The following RAD51 variants were observed in gnomAD, a reference collection of about 807,000 sequenced individuals.
The protein encoded by RAD51 is RAD51 recombinase.
In RAD51, 14 loss-of-function variants were observed where a neutral mutation model predicts 41.5. The ratio of observed to expected loss-of-function variants is 0.34; its 90% CI spans 0.22 to 0.53. RAD51 has a LOEUF of 0.53. Ranked by LOEUF, RAD51 falls within the 20% of genes least tolerant of loss-of-function variation. The probability of loss-of-function intolerance (pLI) is 0.95; values close to 1 mark genes in which losing one functional copy is unlikely to be tolerated. For synonymous variants in RAD51, 136 were observed against 148.6 expected, an observed-to-expected ratio of 0.92 and a Z score of 0.62; for missense variants, 234 against 422.0, an observed-to-expected ratio of 0.55 and a Z score of 3.90.
intron 6 of RAD51, among the ~76,000 whole-genome samples, chr15:40,720,682 C>T (rs1596010956): frequency 1.3e-5 from 2 of 151,526 alleles, no homozygotes; most frequent in Admixed American, 1.3e-4. Context: ...TTTGTATATA[C>T]TAGACAATAA....
intron 5 of RAD51, 117 bp from the exon 6 acceptor site, chr15:40,718,688 A>G (rs1407210205): frequency 1.6e-5 from 14 of 898,370 alleles, no homozygotes; most frequent in Admixed American, 9.6e-5. Flanking sequence ...TACCACTGTC[A>G]TTTTTAAATG....
At chr15:40,726,354 C>T (rs1029988313) in intron 6 of RAD51, among the ~76,000 whole-genome samples, 7 of 151,090 alleles carry the variant, frequency 4.6e-5, no homozygotes, top group African/African-American at 1.5e-4. Context: ...CGGGTTCAAG[C>T]GATTCTCCTG....
intron 7 of RAD51, among the ~76,000 whole-genome samples, chr15:40,729,184 A>T (rs1896741741): frequency 6.6e-6 from 1 of 152,012 alleles, no homozygotes; most frequent in Admixed American, 6.6e-5. Flanking sequence ...CATCCTGGCT[A>T]ACACGGTGAA....
At chr15:40,698,899 G>A in intron 2 of RAD51, 54 bp downstream of exon 2, 4 of 1,511,060 alleles carry the variant, frequency 2.6e-6, no homozygotes, top group Non-Finnish European at 3.7e-6. Flanking sequence ...TCTACCTAGT[G>A]GAAGGTATTA....
At chr15:40,702,274 C>A (rs1895053086) in intron 3 of RAD51, among the ~76,000 whole-genome samples, 1 of 152,030 alleles carries the variant, frequency 6.6e-6, no homozygotes, top group African/African-American at 2.4e-5. Context: ...TAAAGTCTTT[C>A]TGTTTTCGCT....
intron 4 of RAD51, among the ~76,000 whole-genome samples, chr15:40,706,559 C>T (rs1445694632): frequency 6.6e-6 from 1 of 152,150 alleles, no homozygotes; most frequent in Non-Finnish European, 1.5e-5. Context: ...CATGGTGGCA[C>T]ATGCCTGTAA....
chr15:40,698,735 G>T (rs937615081), intron 1 of RAD51, 22 bp from the exon 2 acceptor site: 20 of 1,599,306 alleles, frequency 1.3e-5, no homozygotes, highest in Non-Finnish European at 1.6e-5. Context: ...TGTTTATACT[G>T]ATAAGCATTT....
chr15:40,701,361 CTTTTTTTTTTCTTTCTTTTTT>C (rs1894977884), intron 3 of RAD51, among the ~76,000 whole-genome samples, 160 bp downstream of exon 3: 1 of 139,830 alleles, frequency 7.2e-6, no homozygotes, highest in South Asian at 2.3e-4. Flanking sequence ...CTTTTCTTTT[CTTTTTTTTTTCTTTCTTTTTT>C]TTTTTTTTTG....
At chr15:40,706,725 T>A (rs1895366929) in intron 4 of RAD51, among the ~76,000 whole-genome samples, 1 of 152,080 alleles carries the variant, frequency 6.6e-6, no homozygotes, top group African/African-American at 2.4e-5. Context: ...ATAAAGGAAG[T>A]ATCCACATTG....
At chr15:40,701,327 G>GT (rs1894972443) in intron 3 of RAD51, 126 bp downstream of exon 3, 1 of 955,324 alleles carries the variant, frequency 1.0e-6, no homozygotes, top group Non-Finnish European at 1.6e-6. Flanking sequence ...AGGGGTGACT[G>GT]TTACCTGTTT....
intron 5 of RAD51, among the ~76,000 whole-genome samples, chr15:40,716,313 A>T (rs768156869): frequency 2.0e-5 from 3 of 152,126 alleles, no homozygotes; most frequent in Non-Finnish European, 4.4e-5. Flanking sequence ...ATAATCTGGG[A>T]AATTATTTCT....
At chr15:40,694,787 G>A (rs945119742), upstream of RAD51, 1 of 152,220 alleles carries the variant, frequency 6.6e-6, no homozygotes, top group African/African-American at 2.4e-5. Flanking sequence ...GGGAGTCGTG[G>A]TCTTCGATCT....
chr15:40,698,952 C>T, intron 2 of RAD51, 107 bp downstream of exon 2: 2 of 1,091,970 alleles, frequency 1.8e-6, no homozygotes, highest in Non-Finnish European at 2.8e-6. Flanking sequence ...AGGTCAAGAC[C>T]CAAATTAGAC....
chr15:40,720,267 A>G (rs1038934042), intron 6 of RAD51, among the ~76,000 whole-genome samples: 10 of 152,008 alleles, frequency 6.6e-5, no homozygotes, highest in African/African-American at 2.4e-4. Context: ...TATTTTTAGA[A>G]GAGACAGGGT....
chr15:40,698,897 G>A (rs1357641245), intron 2 of RAD51, 52 bp downstream of exon 2: 2 of 1,543,412 alleles, frequency 1.3e-6, no homozygotes, highest in Middle Eastern at 1.7e-4. Context: ...CTTCTACCTA[G>A]TGGAAGGTAT....
At chr15:40,710,139 G>A (rs2141838553) in intron 5 of RAD51, among the ~76,000 whole-genome samples, 1 of 151,292 alleles carries the variant, frequency 6.6e-6, no homozygotes, top group East Asian at 1.9e-4. Context: ...CTACTTGGGA[G>A]GCTGAGGCAG....
chr15:40,723,149 G>A (rs1308827224), intron 6 of RAD51, among the ~76,000 whole-genome samples: 1 of 152,066 alleles, frequency 6.6e-6, no homozygotes, highest in South Asian at 2.1e-4. Context: ...TGAAACCATG[G>A]TGAGCTACCA....
chr15:40,728,249 A>G (rs905149791), intron 6 of RAD51, among the ~76,000 whole-genome samples: 88 of 152,256 alleles, frequency 5.8e-4, no homozygotes, highest in African/African-American at 2.0e-3. Flanking sequence ...GGATTATGAG[A>G]TCAGGAGGTC....
intron 3 of RAD51, among the ~76,000 whole-genome samples, chr15:40,705,684 A>G (rs373585497): frequency 7.2e-4 from 110 of 152,226 alleles, no homozygotes; most frequent in African/African-American, 2.6e-3. Flanking sequence ...GGCTCACTGC[A>G]AGCTCCGCCT....
Sources: allele counts gnomAD v4.1 joint callset (sites outside exome capture counted in the v4.1 genomes callset), GRCh38; gene constraint gnomAD v4.1.1; transcripts MANE v1.5; gene names NCBI Gene and HGNC (gene_info 2026-07-23, HGNC 2026-07-21).